Variants in HACD2 observed in about 807,000 individuals in gnomAD.
The protein encoded by HACD2 is 3-hydroxyacyl-CoA dehydratase 2, also known as very-long-chain (3R)-3-hydroxyacyl-CoA dehydratase 2.
HACD2 carries 15 observed loss-of-function variants against 31.0 expected under a neutral mutation model. The ratio of observed to expected loss-of-function variants is 0.48; its 90% CI spans 0.32 to 0.75. The LOEUF (loss-of-function observed/expected upper bound fraction) is 0.75. Ranked by LOEUF, HACD2 falls within the 30% of genes least tolerant of loss-of-function variation. The probability of loss-of-function intolerance (pLI) is 0.03; values close to 1 mark genes in which losing one functional copy is unlikely to be tolerated. For missense variants in HACD2, 283 were observed against 313.0 expected (o/e 0.90, Z 0.72); for synonymous variants, 115 against 122.2 (o/e 0.94, Z 0.39).
intron 6 of HACD2, 48 bp from the exon 7 acceptor site, chr3:123,495,018 A>G (rs1029855302): frequency 1.7e-6 from 2 of 1,156,634 alleles, no homozygotes; most frequent in Admixed American, 4.0e-5. Context: ...AAAATTGCAT[A>G]TGCTCTATTT....
chr3:123,502,941 G>A, intron 4 of HACD2: 1 of 378,494 alleles, frequency 2.6e-6, no homozygotes, highest in East Asian at 4.5e-5. Flanking sequence ...AAACACGAGG[G>A]GTGGGGATTT....
At chr3:123,570,947 C>T (rs540376815) in intron 2 of HACD2, among the ~76,000 whole-genome samples, 1 of 147,588 alleles carries the variant, frequency 6.8e-6, no homozygotes, top group Admixed American at 6.7e-5. Context: ...CACACACATA[C>T]ACACACACAC....
intron 4 of HACD2, among the ~76,000 whole-genome samples, chr3:123,506,357 G>C (rs1453603947): frequency 3.9e-5 from 6 of 152,182 alleles, no homozygotes; most frequent in Non-Finnish European, 5.9e-5. Flanking sequence ...TGGACACAGG[G>C]ATGTGTGGAA....
intron 4 of HACD2, among the ~76,000 whole-genome samples, chr3:123,514,422 T>A (rs1176397596): frequency 2.0e-5 from 1 of 50,152 alleles, no homozygotes; most frequent in Non-Finnish European, 9.7e-5. Flanking sequence ...CAGAAAAAAT[T>A]GTTTTCTAAA....
chr3:123,571,372 A>C (rs180789454), intron 2 of HACD2, among the ~76,000 whole-genome samples: 234 of 152,324 alleles, frequency 1.5e-3, no homozygotes, highest in Non-Finnish European at 2.0e-3. Context: ...TTGAAGATAC[A>C]GATATTATGT....
intron 4 of HACD2, among the ~76,000 whole-genome samples, chr3:123,524,473 C>T (rs1008532052): frequency 9.2e-5 from 14 of 152,048 alleles, no homozygotes; most frequent in Non-Finnish European, 2.1e-4. Flanking sequence ...CAGATAAGCA[C>T]CTAGGGCCCA....
chr3:123,512,621 T>C (rs779671201), intron 4 of HACD2, among the ~76,000 whole-genome samples: 27 of 152,176 alleles, frequency 1.8e-4, no homozygotes, highest in Middle Eastern at 6.8e-3. Context: ...ACCAGTTACA[T>C]GGAGCAAACA....
At chr3:123,505,542 C>T (rs2055963727) in intron 4 of HACD2, among the ~76,000 whole-genome samples, 1 of 152,156 alleles carries the variant, frequency 6.6e-6, no homozygotes, top group Non-Finnish European at 1.5e-5. Context: ...GGAGAAGACC[C>T]ACCTTATGAA....
chr3:123,551,379 G>A (rs370158550), intron 3 of HACD2, among the ~76,000 whole-genome samples: 35 of 152,116 alleles, frequency 2.3e-4, no homozygotes, highest in African/African-American at 8.2e-4. Context: ...AGCACTTTGG[G>A]AGGCCAAGGT....
At chr3:123,557,859 G>T (rs1192172752) in intron 3 of HACD2, among the ~76,000 whole-genome samples, 1 of 152,190 alleles carries the variant, frequency 6.6e-6, no homozygotes, top group Non-Finnish European at 1.5e-5. Context: ...CACTTTAGAA[G>T]ACTGTTTGGC....
At position 123,543,174 on chromosome 3, in the gene HACD2, C is replaced by T. The variant is rs182867742; in HGVS notation, c.293-14700G>A. On this transcript the variant is annotated intron_variant, in intron 3 of 6. Coordinates refer to ENST00000383657, the MANE Select transcript of HACD2 (RefSeq NM_198402.5). ...TAATTTAAACTGGATTTCCCCCCCT[C>T]AAAATGGAAACAGTTATTTTCTTTT... Among the ~76,000 whole-genome samples, 107 of 152,264 alleles carry T rather than the reference C, an allele frequency of 7.0e-4. 1 individual carries two copies. The highest frequency in any genetic ancestry group is 2.7e-3 in the Admixed American group (41 of 15,288).
intron 3 of HACD2, among the ~76,000 whole-genome samples, chr3:123,536,945 T>A (rs1422651296): frequency 6.6e-6 from 1 of 152,150 alleles, no homozygotes; most frequent in Non-Finnish European, 1.5e-5. Flanking sequence ...ACACAAGCTG[T>A]CAGAAACTCA....
intron 3 of HACD2, among the ~76,000 whole-genome samples, chr3:123,541,544 A>G (rs1313083808): frequency 1.3e-5 from 2 of 152,200 alleles, no homozygotes; most frequent in South Asian, 2.1e-4. Flanking sequence ...AAGATTCTCT[A>G]TGTAAGAGAG....
intron 3 of HACD2, among the ~76,000 whole-genome samples, chr3:123,542,264 C>A (rs992173150): frequency 6.7e-6 from 1 of 148,572 alleles, no homozygotes; most frequent in African/African-American, 2.5e-5. Context: ...AAAATGGCCA[C>A]AATTAATAAA....
intron 4 of HACD2, among the ~76,000 whole-genome samples, chr3:123,522,349 AG>A (rs371790759): frequency 0.028 from 3,546 of 126,568 alleles, 57 homozygotes; most frequent in Middle Eastern, 0.076. Context: ...AAAAAAAAAA[AG>A]AGAGAGAGAG....
At chr3:123,580,227 A>C (rs1462422946) in intron 2 of HACD2, among the ~76,000 whole-genome samples, 1 of 152,206 alleles carries the variant, frequency 6.6e-6, no homozygotes, top group African/African-American at 2.4e-5. Context: ...TCTAAGAGAA[A>C]AAAACAAAAG....
intron 1 of HACD2, among the ~76,000 whole-genome samples, chr3:123,583,215 T>C (rs2056984483): frequency 6.6e-6 from 1 of 152,174 alleles, no homozygotes; most frequent in Non-Finnish European, 1.5e-5. Flanking sequence ...AAAAAAAGCT[T>C]ACTTTGCTCT....
intron 6 of HACD2, among the ~76,000 whole-genome samples, chr3:123,495,675 G>A (rs1230007866): frequency 6.6e-6 from 1 of 151,780 alleles, no homozygotes; most frequent in Non-Finnish European, 1.5e-5. Flanking sequence ...TGGTCATTTT[G>A]TAGAATACTT....
rs571674706 is a variant in HACD2 at position 123,562,226 on chromosome 3, A to G, written c.292+5536T>C. Among the ~76,000 whole-genome samples, 120 of 152,328 alleles carry G rather than the reference A, an allele frequency of 7.9e-4. 1 individual carries two copies. Among genetic ancestry groups the G allele is most frequent in the African/African-American group, 2.8e-3 (116 of 41,576 alleles). On this transcript the variant is annotated intron_variant, in intron 3 of 6. Transcript: ENST00000383657. The stretch of plus-strand genomic sequence containing the variant: ...ATTTGAGAAATCCCATCCTTCTATT[A>G]TCAATACAAAACAAACCACCTACTT...
Sources: allele counts gnomAD v4.1 joint callset (sites outside exome capture counted in the v4.1 genomes callset), GRCh38; gene constraint gnomAD v4.1.1; transcripts MANE v1.5; gene names NCBI Gene and HGNC (gene_info 2026-07-23, HGNC 2026-07-21).